CCNE2: variants seen among roughly 807,000 people sequenced by gnomAD.
CCNE2 encodes the protein cyclin E2.
Under a neutral mutation model 56.8 loss-of-function variants are expected in CCNE2, and 18 were observed. That is an observed-to-expected ratio of 0.32 (90% CI 0.22 to 0.47). The LOEUF (loss-of-function observed/expected upper bound fraction) is 0.47. Ranked by LOEUF, CCNE2 falls within the 20% of genes least tolerant of loss-of-function variation. The probability of loss-of-function intolerance (pLI) is 1.00; values close to 1 mark genes in which losing one functional copy is unlikely to be tolerated. For synonymous variants in CCNE2, 139 were observed against 149.2 expected, an observed-to-expected ratio of 0.93 and a Z score of 0.50; for missense variants, 371 against 467.1, an observed-to-expected ratio of 0.79 and a Z score of 1.90.
chr8:94,893,032 T>A lies in CCNE2; in HGVS notation c.166-63A>T, dbSNP rs7835501. 3.0e-4 allele frequency: 390 copies of A among 1,309,902 alleles called. 2 individuals carry two copies. In the African/African-American group the frequency reaches 5.4e-3, roughly 18 times the overall value. 81.1% of individuals were successfully genotyped at this position (1,309,902 alleles called of 1,614,324 possible). A position where few individuals can be genotyped will look rare whatever the true frequency, so the allele number is the denominator to read the frequency against. On this transcript the variant is annotated intron_variant, in intron 4 of 11. Transcript: ENST00000308108. ...GGAAAACCTTAGTTTTTGTAATGGA[T>A]CTTTCATAAATGAAAGCTAATATGT...
At chr8:94,891,958 A>C (rs1817262919) in intron 5 of CCNE2, 1 of 1,076,660 alleles carries the variant, frequency 9.3e-7, no homozygotes, top group African/African-American at 1.6e-5. Flanking sequence ...TCATGGTCGG[A>C]TTAACTCACA....
In CCNE2 at chr8:94,886,167, T is replaced by C. The variant is rs372478122; in HGVS notation, c.601-609A>G. Among the ~76,000 whole-genome samples the C allele has an allele frequency of 7.2e-5, 11 of 152,050 alleles. No individual in the cohort carries two copies. In the East Asian group the frequency reaches 1.2e-3, roughly 16 times the overall value. Reference sequence around the variant, plus strand: ...AAGTAGGGGACCATCTATATACAAATCACACACAGGCTTCAGATTTAAGGA... The same window carrying C: ...AAGTAGGGGACCATCTATATACAAACCACACACAGGCTTCAGATTTAAGGA... On this transcript the variant is annotated intron_variant, in intron 7 of 11. Coordinates refer to ENST00000308108, the MANE Select transcript of CCNE2 (RefSeq NM_057749.3).
In CCNE2 at chr8:94,881,564, T is replaced by C. The variant is rs914971545; in HGVS notation, c.*68A>G. On this transcript the variant is annotated 3_prime_UTR_variant, in exon 12 of 12. Coordinates refer to ENST00000308108, the MANE Select transcript of CCNE2 (RefSeq NM_057749.3). ...CACAGCACTACTTTCTGTAAAACTT[T>C]AGTAGTTCAGTGATACCAGTTCTAC... The C allele has an allele frequency of 4.8e-5, 72 of 1,501,918 alleles. 1 individual carries two copies. The highest frequency in any genetic ancestry group is 6.8e-5 in the East Asian group (3 of 43,918). The allele number at this position is 1,501,918 out of a possible 1,614,324, so 93.0% of individuals were successfully genotyped here.
chr8:94,882,468 A>G (rs1396662804), intron 10 of CCNE2, among the ~76,000 whole-genome samples, 179 bp from the exon 11 acceptor site: 1 of 152,214 alleles, frequency 6.6e-6, no homozygotes, highest in East Asian at 1.9e-4. Context: ...GACTATGTTG[A>G]AGGGAAAAAG....
At chr8:94,888,691 A>AT (rs1353401804) in intron 6 of CCNE2, among the ~76,000 whole-genome samples, 5 of 151,966 alleles carry the variant, frequency 3.3e-5, no homozygotes, top group African/African-American at 7.3e-5. Context: ...TGCCCAGCTA[A>AT]TTTTTTGTAT....
At position 94,880,452 on chromosome 8, in the gene CCNE2, A is replaced by G. The variant is rs1816764452; in HGVS notation, c.*1180T>C. On this transcript the variant is annotated 3_prime_UTR_variant, in exon 12 of 12. Coordinates refer to ENST00000308108, the MANE Select transcript of CCNE2 (RefSeq NM_057749.3). The stretch of plus-strand genomic sequence containing the variant: ...CTTCAAAGGGAGAAGAGATTCACAT[A>G]TCTGATAACAAAATAAACTAGCAAT... 2 of 329,504 alleles carry G rather than the reference A, an allele frequency of 6.1e-6. No individual in the cohort carries two copies. The highest frequency in any genetic ancestry group is 9.6e-5 in the Admixed American group (2 of 20,828). The allele number at this position is 329,504 out of a possible 1,614,324, so 20.4% of individuals were successfully genotyped here. A position where few individuals can be genotyped will look rare whatever the true frequency, so the allele number is the denominator to read the frequency against.
intron 1 of CCNE2, 28 bp from the exon 2 acceptor site, chr8:94,894,275 T>C (rs1031279942): frequency 1.2e-6 from 2 of 1,608,630 alleles, no homozygotes; most frequent in Non-Finnish European, 8.5e-7. Context: ...AAAGCCGCAG[T>C]CAAGTACATT....
intron 2 of CCNE2, 24 bp from the exon 3 acceptor site, chr8:94,894,143 A>G: frequency 6.2e-7 from 1 of 1,613,464 alleles, no homozygotes; most frequent in Non-Finnish European, 8.5e-7. Context: ...TTAAAAAGGA[A>G]GTGTAATTAG....
In CCNE2 at chr8:94,894,197, G is replaced by A. The variant is rs761871096; in HGVS notation, c.14+11C>T. 20 of 1,614,110 alleles carry A rather than the reference G, an allele frequency of 1.2e-5. No individual in the cohort carries two copies. The highest frequency in any genetic ancestry group is 3.3e-4 in the Middle Eastern group (2 of 6,052). On this transcript the variant is annotated intron_variant, in intron 2 of 11. Coordinates refer to ENST00000308108, the MANE Select transcript of CCNE2 (RefSeq NM_057749.3). Reference sequence around the variant, plus strand: ...TAATTTGAAACATGTCTCTAAGACAGATAATGTTACCTTCGTCTTGACATT... The same window carrying A: ...TAATTTGAAACATGTCTCTAAGACAAATAATGTTACCTTCGTCTTGACATT...
chr8:94,888,405 T>C (rs1437946105), intron 6 of CCNE2, among the ~76,000 whole-genome samples: 1 of 152,242 alleles, frequency 6.6e-6, no homozygotes, highest in East Asian at 1.9e-4. Flanking sequence ...CCCTGATGTT[T>C]CACTATTGTT....
At chr8:94,881,853 T>A (rs1816829708) in intron 11 of CCNE2, 108 bp from the exon 12 acceptor site, 1 of 1,343,090 alleles carries the variant, frequency 7.4e-7, no homozygotes, top group Non-Finnish European at 1.0e-6. Flanking sequence ...TCTTTTTATG[T>A]CTTTGCAAGT....
intron 5 of CCNE2, among the ~76,000 whole-genome samples, 192 bp from the exon 6 acceptor site, chr8:94,890,742 T>C (rs1817210059): frequency 2.0e-5 from 3 of 151,820 alleles, no homozygotes; most frequent in African/African-American, 7.3e-5. Flanking sequence ...TACAGGTGCC[T>C]GCCACCAAGC....
chr8:94,883,535 A>T (rs550329675), intron 9 of CCNE2, among the ~76,000 whole-genome samples: 210 of 152,330 alleles, frequency 1.4e-3, no homozygotes, highest in African/African-American at 4.9e-3. Flanking sequence ...AATAAGGAGT[A>T]CCTTCATTTC....
At chr8:94,883,255 G>A (rs1279186897) in intron 9 of CCNE2, among the ~76,000 whole-genome samples, 4 of 148,780 alleles carry the variant, frequency 2.7e-5, no homozygotes, top group Non-Finnish European at 4.4e-5. Context: ...CAGCCTGGGC[G>A]AAAGAGCGAG....
At position 94,881,033 on chromosome 8, in the gene CCNE2, CAAAT is replaced by C. The variant is rs1008010432; in HGVS notation, c.*595_*598del. On this transcript the variant is annotated 3_prime_UTR_variant, in exon 12 of 12. Transcript: ENST00000308108. ...AGTTAAAAAATGTGTTATGGCAAGGCAAATAAACTAGTTTAAAAAACATTAAATT... is the reference window on the plus strand; with the variant it reads ...AGTTAAAAAATGTGTTATGGCAAGGCAAACTAGTTTAAAAAACATTAAATT... 3 of 398,398 alleles carry C rather than the reference CAAAT, an allele frequency of 7.5e-6. No individual in the cohort carries two copies. Among genetic ancestry groups the C allele is most frequent in the Non-Finnish European group, 4.4e-6 (1 of 225,724 alleles). The allele number at this position is 398,398 out of a possible 1,614,324, so 24.7% of individuals were successfully genotyped here.
At chr8:94,893,317 CTTTT>C (rs11290412) in intron 4 of CCNE2, among the ~76,000 whole-genome samples, 1 of 139,376 alleles carries the variant, frequency 7.2e-6, no homozygotes, top group Non-Finnish European at 1.6e-5. Flanking sequence ...TAGCAGGGAC[CTTTT>C]TTTTTTTTTT....
chr8:94,882,095 C>A, intron 11 of CCNE2, 37 bp downstream of exon 11: 1 of 1,568,024 alleles, frequency 6.4e-7, no homozygotes, highest in South Asian at 1.2e-5. Flanking sequence ...TTACTAGATT[C>A]AGATAGCAAA....
intron 9 of CCNE2, 133 bp from the exon 10 acceptor site, chr8:94,883,025 C>T: frequency 1.9e-6 from 1 of 527,650 alleles, no homozygotes; most frequent in Non-Finnish European, 3.4e-6. Flanking sequence ...CCTGTAATCC[C>T]AGCACTTTGG....
intron 9 of CCNE2, among the ~76,000 whole-genome samples, chr8:94,883,547 T>TATCA (rs1393613048): frequency 6.6e-6 from 1 of 152,228 alleles, no homozygotes; most frequent in Non-Finnish European, 1.5e-5. Context: ...CTTCATTTCT[T>TATCA]ATCAAGAAAG....
Sources: allele counts gnomAD v4.1 joint callset (sites outside exome capture counted in the v4.1 genomes callset), GRCh38; gene constraint gnomAD v4.1.1; transcripts MANE v1.5; gene names NCBI Gene and HGNC (gene_info 2026-07-23, HGNC 2026-07-21).